Variants in PTPRD observed in about 807,000 individuals in gnomAD.
PTPRD encodes the protein receptor-type tyrosine-protein phosphatase delta.
In PTPRD, 34 loss-of-function variants were observed where a neutral mutation model predicts 214.5. The ratio of observed to expected loss-of-function variants is 0.16; its 90% confidence interval spans 0.12 to 0.21. The LOEUF is 0.21. Ranked by LOEUF, PTPRD falls within the 10% of genes least tolerant of loss-of-function variation. The pLI is 1.00. For missense variants in PTPRD, 2,545 were observed against 2,398.7 expected (o/e 1.06, Z -1.27); for synonymous variants, 1,128 against 845.7 (o/e 1.33, Z -5.79).
rs543806527 is a variant in PTPRD, at chr9:8,817,754, T to C, written c.-103-83808A>G. 2.0e-5 allele frequency among the ~76,000 whole-genome samples: 3 copies of C among 152,390 alleles called. No homozygotes were observed. In the South Asian group the frequency reaches 6.2e-4, roughly 32 times the overall value. On this transcript the variant is annotated intron_variant, in intron 11 of 45. Coordinates refer to ENST00000381196, the MANE Select transcript of PTPRD (RefSeq NM_002839.4). ...TGATTATGGGAGTTGGTAGTGTGTC[T>C]AGCCTCTGTCCTAACAACCATCTTA...
chr9:8,687,742 T>G (rs1422328487), intron 12 of PTPRD, among the ~76,000 whole-genome samples: 3 of 133,372 alleles, frequency 2.2e-5, no homozygotes, highest in Non-Finnish European at 4.7e-5. Flanking sequence ...AAAATAAGAG[T>G]TTTTTTTTTT....
In PTPRD at chr9:8,559,051, C is replaced by T. The variant is rs574733462; in HGVS notation, c.353-30272G>A. 2.6e-5 allele frequency among the ~76,000 whole-genome samples: 4 copies of T among 152,230 alleles called. No individual in the cohort carries two copies. In the East Asian group the frequency reaches 7.7e-4, roughly 29 times the overall value. Reference sequence around the variant, plus strand: ...AGTCTAATAGCTAACTGAAGTTTTACTTGTTTCTATCTCTTTTATGCCAAA... The same window carrying T: ...AGTCTAATAGCTAACTGAAGTTTTATTTGTTTCTATCTCTTTTATGCCAAA... On this transcript the variant is annotated intron_variant, in intron 14 of 45. Transcript: ENST00000381196.
chr9:8,851,380 C>G (rs1412925946), intron 11 of PTPRD, among the ~76,000 whole-genome samples: 2 of 152,098 alleles, frequency 1.3e-5, no homozygotes, highest in Non-Finnish European at 2.9e-5. Context: ...CTAGCTTTTG[C>G]TTTAAATGCT....
chr9:9,359,915 T>G (rs1185687275), intron 9 of PTPRD, among the ~76,000 whole-genome samples: 1 of 151,266 alleles, frequency 6.6e-6, no homozygotes, highest in Admixed American at 6.6e-5. Flanking sequence ...AGAGAAAATG[T>G]AGAAAGAATT....
rs1053221761 is a variant in PTPRD, at chr9:9,295,041, T to C, written c.-203+102408A>G. Among the ~76,000 whole-genome samples, 10 of 151,870 alleles carry C rather than the reference T, an allele frequency of 6.6e-5. No individual in the cohort carries two copies. The East Asian group carries it at 2.0e-3, about 30-fold the overall frequency. Reference sequence around the variant, plus strand: ...CATGTATTAGTTAAATTAAATTTGATTTTTAAAATTATCTTAACCCAAAAC... The same window carrying C: ...CATGTATTAGTTAAATTAAATTTGACTTTTAAAATTATCTTAACCCAAAAC... On this transcript the variant is annotated intron_variant, in intron 9 of 45. Transcript: ENST00000381196.
intron 11 of PTPRD, among the ~76,000 whole-genome samples, chr9:8,960,309 A>G (rs1332502058): frequency 2.6e-5 from 4 of 152,082 alleles, no homozygotes; most frequent in African/African-American, 9.7e-5. Flanking sequence ...CTAATTCATA[A>G]TACAGTTAGA....
chr9:9,990,870 T>C (rs549696445), intron 4 of PTPRD, among the ~76,000 whole-genome samples: 2 of 152,220 alleles, frequency 1.3e-5, no homozygotes, highest in African/African-American at 4.8e-5. Context: ...AGATATATTG[T>C]CTCAGTGTCA....
At chr9:8,491,749 A>T (rs766930964) in intron 27 of PTPRD, among the ~76,000 whole-genome samples, 41 of 152,024 alleles carry the variant, frequency 2.7e-4, no homozygotes, top group South Asian at 1.2e-3. Flanking sequence ...TCCAGGTGGC[A>T]GGATGCGAGC....
chr9:9,816,625 G>A (rs868195430), intron 5 of PTPRD, among the ~76,000 whole-genome samples: 6 of 151,844 alleles, frequency 4.0e-5, no homozygotes, highest in Non-Finnish European at 7.4e-5. Flanking sequence ...AATGCCTTAT[G>A]AGCTTAAAAA....
At chr9:10,486,336 C>T (rs1231095666) in intron 2 of PTPRD, among the ~76,000 whole-genome samples, 3 of 152,126 alleles carry the variant, frequency 2.0e-5, no homozygotes, top group South Asian at 4.1e-4. Context: ...AGTCTTTAAT[C>T]CACCTTGAGT....
chr9:8,994,942 G>A (rs1040981657), intron 11 of PTPRD, among the ~76,000 whole-genome samples: 24 of 152,126 alleles, frequency 1.6e-4, no homozygotes, highest in African/African-American at 5.8e-4. Context: ...GGGGAAAAAT[G>A]GCAGTGATTG....
At chr9:10,482,120 C>A (rs1271925253) in intron 2 of PTPRD, among the ~76,000 whole-genome samples, 1 of 152,040 alleles carries the variant, frequency 6.6e-6, no homozygotes, top group Non-Finnish European at 1.5e-5. Flanking sequence ...GCCTGTAATC[C>A]CAGCATTTTG....
chr9:9,063,819 G>A (rs921070139), intron 10 of PTPRD, among the ~76,000 whole-genome samples: 3 of 152,128 alleles, frequency 2.0e-5, no homozygotes, highest in East Asian at 1.9e-4. Context: ...GAAAGTATCC[G>A]GCAGTTTTCC....
chr9:10,598,284 A>G (rs1382333568), intron 2 of PTPRD, among the ~76,000 whole-genome samples: 1 of 151,848 alleles, frequency 6.6e-6, no homozygotes, highest in African/African-American at 2.4e-5. Context: ...GCTAGCTCGA[A>G]GTAAACATTT....
At chr9:9,481,006 T>C (rs1032800826) in intron 8 of PTPRD, among the ~76,000 whole-genome samples, 3 of 152,066 alleles carry the variant, frequency 2.0e-5, no homozygotes, top group Admixed American at 6.6e-5. Context: ...GTTGAAGACA[T>C]GTAATAATGC....
intron 11 of PTPRD, among the ~76,000 whole-genome samples, chr9:8,777,763 C>T (rs543060866): frequency 6.6e-6 from 1 of 152,190 alleles, no homozygotes; most frequent in East Asian, 1.9e-4. Flanking sequence ...CTGATTTATG[C>T]AGTCCTATAT....
chr9:9,364,049 A>G lies in PTPRD; in HGVS notation c.-203+33400T>C, dbSNP rs1175335298. Among the ~76,000 whole-genome samples the G allele has an allele frequency of 3.3e-5, 5 of 151,550 alleles. No individual in the cohort carries two copies. The South Asian group carries it at 8.3e-4, about 25-fold the overall frequency. Reference sequence around the variant, plus strand: ...TTACATAACTTCTATAATACTTTACATATTTACATTATCAGTATTGTTTAC... The same window carrying G: ...TTACATAACTTCTATAATACTTTACGTATTTACATTATCAGTATTGTTTAC... On this transcript the variant is annotated intron_variant, in intron 9 of 45. Transcript: ENST00000381196.
At chr9:9,616,104 A>C (rs2094842728) in intron 7 of PTPRD, among the ~76,000 whole-genome samples, 1 of 152,244 alleles carries the variant, frequency 6.6e-6, no homozygotes, top group Non-Finnish European at 1.5e-5. Flanking sequence ...TGGTTCTGCC[A>C]AATTGATACG....
At chr9:9,961,585 A>G (rs994457478) in intron 4 of PTPRD, among the ~76,000 whole-genome samples, 13 of 152,146 alleles carry the variant, frequency 8.5e-5, no homozygotes, top group African/African-American at 2.4e-4. Context: ...TACTGAATAA[A>G]GTATTATTTT....
Sources: allele counts gnomAD v4.1 joint callset (sites outside exome capture counted in the v4.1 genomes callset), GRCh38; gene constraint gnomAD v4.1.1; transcripts MANE v1.5; gene names NCBI Gene and HGNC (gene_info 2026-07-23, HGNC 2026-07-21).